RSRP1: variants seen among roughly 807,000 people sequenced by gnomAD.
The protein encoded by RSRP1 is arginine/serine-rich protein 1.
RSRP1 carries 37 observed loss-of-function variants against 33.0 expected under a neutral mutation model. That is an observed-to-expected ratio of 1.12 (90% CI 0.86 to 1.48). The LOEUF is 1.48. Among genes scored for constraint, RSRP1 ranks in the 40% most tolerant of loss-of-function variants. The probability of loss-of-function intolerance (pLI) is 0.00; values close to 1 mark genes in which losing one functional copy is unlikely to be tolerated. For synonymous variants in RSRP1, 167 were observed against 158.7 expected (o/e 1.05, Z -0.40); for missense variants, 402 against 385.3 (o/e 1.04, Z -0.36).
intron 1 of RSRP1, among the ~76,000 whole-genome samples, chr1:25,333,294 A>C (rs1645040764): frequency 7.6e-6 from 1 of 131,094 alleles, no homozygotes; most frequent in African/African-American, 2.7e-5. Flanking sequence ...AATCCAGTCA[A>C]GCTGACACCT....
chr1:25,261,810 C>G (rs1421066886), intron 1 of RSRP1, among the ~76,000 whole-genome samples: 1 of 144,576 alleles, frequency 6.9e-6, no homozygotes, highest in African/African-American at 2.6e-5. Flanking sequence ...CTACCATGTT[C>G]AAGCGATTCT....
intron 3 of RSRP1, chr1:25,244,242 T>G (rs893900166): frequency 3.1e-6 from 4 of 1,289,242 alleles, no homozygotes; most frequent in Middle Eastern, 2.1e-4. Flanking sequence ...ATATTGCATA[T>G]ATTATGAAAG....
intron 1 of RSRP1, chr1:25,329,407 A>G: frequency 3.8e-6 from 1 of 262,836 alleles, no homozygotes; most frequent in East Asian, 6.7e-5. Context: ...ACATCTGGCT[A>G]ATTTTTTGTA....
intron 1 of RSRP1, chr1:25,317,993 G>T (rs1452513406): frequency 7.6e-6 from 1 of 130,962 alleles, no homozygotes; most frequent in Non-Finnish European, 1.8e-5. Context: ...AAAATCTAGG[G>T]GAGTTGCTAA....
In RSRP1 at chr1:25,298,603, G is replaced by A. The variant is rs1278570207; in HGVS notation, c.-67+39375C>T. Among the ~76,000 whole-genome samples the A allele has an allele frequency of 4.6e-5, 6 of 131,526 alleles. 1 individual carries two copies. Among genetic ancestry groups the A allele is most frequent in the Non-Finnish European group, 9.0e-5 (5 of 55,774 alleles). The allele number at this position is 131,526 out of a possible 152,430, so 86.3% of individuals were successfully genotyped here. The stretch of plus-strand genomic sequence containing the variant: ...TCAAAGAGATGAAAAACACAAGCCC[G>A]CTTTTCAGTTCTTATCAGGAAACTG... On this transcript the variant is annotated intron_variant, in intron 1 of 1. Transcript: ENST00000561867.
intron 1 of RSRP1, among the ~76,000 whole-genome samples, chr1:25,258,624 G>A (rs1181284656): frequency 6.6e-6 from 1 of 152,138 alleles, no homozygotes. Context: ...TATTCTCTCA[G>A]TAGGTTCAAA....
intron 1 of RSRP1, among the ~76,000 whole-genome samples, chr1:25,277,823 C>G (rs59336189): frequency 2.4e-5 from 3 of 123,828 alleles, no homozygotes; most frequent in Admixed American, 2.4e-4. Context: ...TACAGGCATG[C>G]GCCACCACGC....
At chr1:25,268,681 T>C (rs147199840) in intron 1 of RSRP1, among the ~76,000 whole-genome samples, 1,668 of 129,224 alleles carry the variant, frequency 0.013, 253 homozygotes, top group African/African-American at 0.04. Context: ...GGCACAGTGG[T>C]TCACACCTAT....
In RSRP1 at chr1:25,322,408, C is replaced by G. The variant is rs77322466; in HGVS notation, c.-67+15570G>C. On this transcript the variant is annotated intron_variant, in intron 1 of 1. Transcript: ENST00000561867. ...TTACAACTGGCTGGGCACGGTGGCT[C>G]ACGCCTGTGATCCCAGCACTTTGGG... Among the ~76,000 whole-genome samples the G allele has an allele frequency of 9.0e-5, 12 of 133,186 alleles. 1 individual carries two copies. In the East Asian group the frequency reaches 2.0e-3, roughly 22 times the overall value. The allele number at this position is 133,186 out of a possible 152,430, so 87.4% of individuals were successfully genotyped here.
intron 1 of RSRP1, among the ~76,000 whole-genome samples, chr1:25,261,813 G>A (rs1318596827): frequency 6.8e-6 from 1 of 146,942 alleles, no homozygotes; most frequent in Non-Finnish European, 1.5e-5. Context: ...CCATGTTCAA[G>A]CGATTCTCCC....
Position 25,277,143 on chromosome 1 carries a change from A to G in RSRP1, c.-66-30114T>C, listed in dbSNP as rs664365. 7.5e-5 allele frequency among the ~76,000 whole-genome samples: 10 copies of G among 133,352 alleles called. 1 individual carries two copies. The highest frequency in any genetic ancestry group is 2.3e-4 in the South Asian group (1 of 4,378). 87.5% of individuals were successfully genotyped at this position (133,352 alleles called of 152,430 possible). A position where few individuals can be genotyped will look rare whatever the true frequency, so the allele number is the denominator to read the frequency against. On this transcript the variant is annotated intron_variant, in intron 1 of 1. Transcript: ENST00000561867. The stretch of plus-strand genomic sequence containing the variant: ...CAATATGAAGAATATAGAGAAATGC[A>G]TATCAAATCCTTCTCATTGGACCAA...
At chr1:25,312,687 C>G in intron 1 of RSRP1, among the ~76,000 whole-genome samples, 1 of 127,048 alleles carries the variant, frequency 7.9e-6, no homozygotes, top group African/African-American at 2.7e-5. Flanking sequence ...GAGTTTGAGG[C>G]TGCAGTGAGC....
intron 1 of RSRP1, among the ~76,000 whole-genome samples, chr1:25,293,824 T>C (rs1433248326): frequency 7.6e-6 from 1 of 132,168 alleles, no homozygotes; most frequent in Admixed American, 7.4e-5. Flanking sequence ...AATTTGATCA[T>C]GTACTAATCA....
chr1:25,279,971 G>A (rs1641329868), intron 1 of RSRP1, among the ~76,000 whole-genome samples: 2 of 129,068 alleles, frequency 1.5e-5, no homozygotes, highest in Non-Finnish European at 3.6e-5. Context: ...CTCCAAGCTG[G>A]GACCCAGCCC....
intron 1 of RSRP1, among the ~76,000 whole-genome samples, chr1:25,255,155 A>G (rs1317631648): frequency 6.6e-6 from 1 of 152,216 alleles, no homozygotes; most frequent in Non-Finnish European, 1.5e-5. Context: ...GTCATGGGCA[A>G]TGGAATAACT....
rs752226528 is a variant in RSRP1, at chr1:25,243,595, G to A, written c.711C>T (p.Pro237=). ...EKVTEDGTRN[P]NEKPTQQRSI... ...TTCTTTGCTGGGTAGGTTTTTCATT[G>A]GGATTTCGAGTTCCATCTTCTGTTA... Residue 237 remains proline (P), a synonymous_variant, in exon 4 of 5, where the codon CCC becomes CCT. Coordinates refer to ENST00000243189, the MANE Select transcript of RSRP1 (RefSeq NM_020317.5). 22 of 1,613,758 alleles carry A rather than the reference G, an allele frequency of 1.4e-5. No homozygotes were observed. The highest frequency in any genetic ancestry group is 1.8e-5 in the Non-Finnish European group (21 of 1,179,816).
At chr1:25,251,784 G>T (rs1639789787), upstream of RSRP1, among the ~76,000 whole-genome samples, 1 of 152,126 alleles carries the variant, frequency 6.6e-6, no homozygotes, top group Non-Finnish European at 1.5e-5. Context: ...TCCTCTAAAA[G>T]AGGTCTCCAT....
At position 25,310,983 on chromosome 1, in the gene RSRP1, A is replaced by G. The variant is rs1208256405; in HGVS notation, c.-67+26995T>C. Among the ~76,000 whole-genome samples the G allele has an allele frequency of 4.6e-5, 6 of 130,884 alleles. 2 individuals are homozygous for G. Among genetic ancestry groups the G allele is most frequent in the Non-Finnish European group, 1.1e-4 (6 of 55,344 alleles). 85.9% of individuals were successfully genotyped at this position (130,884 alleles called of 152,430 possible). The stretch of plus-strand genomic sequence containing the variant: ...AGCAAAACTCCATCTCAAAAAAAAA[A>G]AAAAAGAAAGAAAAAGAATGGAGCA... On this transcript the variant is annotated intron_variant, in intron 1 of 1. Coordinates refer to the RSRP1 transcript ENST00000561867.
At chr1:25,249,970 G>A (rs530743397), upstream of RSRP1, among the ~76,000 whole-genome samples, 1 of 152,174 alleles carries the variant, frequency 6.6e-6, no homozygotes, top group African/African-American at 2.4e-5. Context: ...GCCACACTTG[G>A]AGACAAATTG....
Sources: gnomAD v4.1 joint callset for allele counts (sites outside exome capture counted in the v4.1 genomes callset) on GRCh38, gnomAD v4.1.1 for gene constraint, MANE v1.5 for transcripts, NCBI Gene and HGNC (gene_info 2026-07-23, HGNC 2026-07-21) for gene names.